The following GRIN2B variants were observed in gnomAD, a reference collection of about 807,000 sequenced individuals.
GRIN2B encodes the protein glutamate receptor ionotropic, NMDA 2B.
In GRIN2B, 5 loss-of-function variants were observed where a neutral mutation model predicts 114.5. That is an observed-to-expected ratio of 0.04 (90% CI 0.02 to 0.09). The LOEUF (loss-of-function observed/expected upper bound fraction) is 0.09. Among genes scored for constraint, GRIN2B ranks in the 10% least tolerant of loss-of-function variants. GRIN2B has a pLI of 1.00. For synonymous variants in GRIN2B, 787 were observed against 745.1 expected, an observed-to-expected ratio of 1.06 and a Z score of -0.92; for missense variants, 1,108 against 1,943.5, an observed-to-expected ratio of 0.57 and a Z score of 8.08.
At chr12:13,772,542 T>C (rs1430079535) in intron 3 of GRIN2B, among the ~76,000 whole-genome samples, 1 of 152,220 alleles carries the variant, frequency 6.6e-6, no homozygotes, top group Non-Finnish European at 1.5e-5. Flanking sequence ...GAAGTATCAA[T>C]TTAATATCAG....
In GRIN2B at chr12:13,556,476, A is replaced by G. The variant is rs943782129; in HGVS notation, c.*6307T>C. 3 of 152,312 alleles carry G rather than the reference A, an allele frequency of 2.0e-5. No individual in the cohort carries two copies. The highest frequency in any genetic ancestry group is 7.2e-5 in the African/African-American group (3 of 41,582). The allele number at this position is 152,312 out of a possible 1,614,324, so 9.4% of individuals were successfully genotyped here. ...TAGACGTTGGTTTAATTAAACTCAC[A>G]TATTTAACCAGAGAGCTTTTATTTT... On this transcript the variant is annotated 3_prime_UTR_variant, in exon 14 of 14. Transcript: ENST00000609686.
chr12:13,703,789 C>G (rs995782660), intron 4 of GRIN2B, among the ~76,000 whole-genome samples: 1 of 152,128 alleles, frequency 6.6e-6, no homozygotes, highest in African/African-American at 2.4e-5. Flanking sequence ...CCATGGGATC[C>G]TTTTAACTTC....
At chr12:13,842,620 A>T (rs1865397237) in intron 3 of GRIN2B, among the ~76,000 whole-genome samples, 1 of 152,224 alleles carries the variant, frequency 6.6e-6, no homozygotes, top group South Asian at 2.1e-4. Context: ...AATGAGTAAA[A>T]CTAATCCTAG....
chr12:13,883,738 G>A (rs1565574433), intron 2 of GRIN2B, among the ~76,000 whole-genome samples: 1 of 151,718 alleles, frequency 6.6e-6, no homozygotes, highest in Non-Finnish European at 1.5e-5. Flanking sequence ...CCATTTTGTG[G>A]CTGATCATTT....
At chr12:13,675,897 A>T (rs761827572) in intron 4 of GRIN2B, 38 bp from the exon 5 acceptor site, 6 of 1,173,752 alleles carry the variant, frequency 5.1e-6, no homozygotes, top group Non-Finnish European at 7.7e-6. Flanking sequence ...AAAAGTATGA[A>T]GAGGGTATAC....
rs78413986 is a variant in GRIN2B, at chr12:13,686,930, T to A, written c.1011-11071A>T. The stretch of plus-strand genomic sequence containing the variant: ...ATTAATGCCCTCCCTTGGGGATAAG[T>A]TCCTTCTTTATCAGGTCCCATGAGA... On this transcript the variant is annotated intron_variant, in intron 4 of 13. Coordinates refer to ENST00000609686, the MANE Select transcript of GRIN2B (RefSeq NM_000834.5). Among the ~76,000 whole-genome samples, 396 of 152,264 alleles carry A rather than the reference T, an allele frequency of 2.6e-3. 5 individuals carry two copies. Among genetic ancestry groups the A allele is most frequent in the African/African-American group, 9.2e-3 (382 of 41,560 alleles).
chr12:13,568,991 C>T (rs187714214), intron 12 of GRIN2B, among the ~76,000 whole-genome samples: 15 of 152,122 alleles, frequency 9.9e-5, no homozygotes, highest in Non-Finnish European at 2.1e-4. Context: ...AAGAGATGGC[C>T]GCAAGTTTAT....
chr12:13,782,812 CCAAAGGT>C (rs1565535368), intron 3 of GRIN2B, among the ~76,000 whole-genome samples: 1 of 152,142 alleles, frequency 6.6e-6, no homozygotes, highest in Non-Finnish European at 1.5e-5. Flanking sequence ...TACCTCTGCA[CCAAAGGT>C]CAAAGCTGCA....
chr12:13,744,751 C>T (rs1263351485), intron 4 of GRIN2B, among the ~76,000 whole-genome samples: 1 of 152,180 alleles, frequency 6.6e-6, no homozygotes, highest in Admixed American at 6.5e-5. Context: ...GCAGTTCCTT[C>T]ATGTGTGACC....
intron 3 of GRIN2B, among the ~76,000 whole-genome samples, chr12:13,777,562 G>A (rs1864027240): frequency 6.6e-6 from 1 of 152,194 alleles, no homozygotes; most frequent in Admixed American, 6.5e-5. Context: ...AGCTGTGGCT[G>A]CAAGATCCAC....
chr12:13,599,836 G>A (rs1949130678), intron 10 of GRIN2B, among the ~76,000 whole-genome samples: 1 of 152,330 alleles, frequency 6.6e-6, no homozygotes, highest in South Asian at 2.1e-4. Context: ...GTCTGACTGG[G>A]AGAGGCCACA....
intron 2 of GRIN2B, among the ~76,000 whole-genome samples, chr12:13,891,870 A>C (rs867776930): frequency 1.3e-5 from 2 of 152,246 alleles, no homozygotes; most frequent in African/African-American, 4.8e-5. Flanking sequence ...AAATTCAAAA[A>C]TTATTTACCT....
chr12:13,767,068 A>G (rs945045873), intron 3 of GRIN2B, among the ~76,000 whole-genome samples: 2 of 152,110 alleles, frequency 1.3e-5, no homozygotes, highest in African/African-American at 2.4e-5. Flanking sequence ...CATCGTGGCT[A>G]ACACCGTGAA....
chr12:13,833,576 G>A (rs757255321), intron 3 of GRIN2B, among the ~76,000 whole-genome samples: 5 of 152,128 alleles, frequency 3.3e-5, no homozygotes, highest in Non-Finnish European at 7.4e-5. Flanking sequence ...CCTACTATCT[G>A]GCTTATCTCC....
chr12:13,643,584 A>G (rs1949738929), intron 5 of GRIN2B, among the ~76,000 whole-genome samples: 2 of 152,234 alleles, frequency 1.3e-5, no homozygotes, highest in South Asian at 2.1e-4. Flanking sequence ...GAAGTTTGCC[A>G]CAACAATTGA....
intron 8 of GRIN2B, 150 bp downstream of exon 8, chr12:13,614,964 T>G (rs1351204705): frequency 2.7e-6 from 2 of 751,926 alleles, no homozygotes; most frequent in African/African-American, 1.7e-5. Context: ...GTAATTGATT[T>G]TGAAGTCCCC....
chr12:13,621,599 A>AG, intron 5 of GRIN2B, among the ~76,000 whole-genome samples: 1 of 134,482 alleles, frequency 7.4e-6, no homozygotes, highest in Non-Finnish European at 1.6e-5. Context: ...GAAAAAAAAA[A>AG]TTGCCTAGTT....
At chr12:13,852,808 C>T (rs73055695) in intron 3 of GRIN2B, among the ~76,000 whole-genome samples, 2,507 of 151,844 alleles carry the variant, frequency 0.017, 42 homozygotes, top group Non-Finnish European at 0.023. Context: ...ATCCACGATA[C>T]TATACTGCCG....
Position 13,980,340 on chromosome 12 carries a change from C to T in GRIN2B, c.-431G>A, listed in dbSNP as rs1021725516. 6.6e-6 allele frequency: 1 copy of T among 152,074 alleles called. No homozygotes were observed. The highest frequency in any genetic ancestry group is 1.9e-4 in the East Asian group (1 of 5,154). The allele number at this position is 152,074 out of a possible 1,614,324, so 9.4% of individuals were successfully genotyped here. A position where few individuals can be genotyped will look rare whatever the true frequency, so the allele number is the denominator to read the frequency against. The stretch of plus-strand genomic sequence containing the variant: ...CGTCCCTCGGTGGAGCATGGTCATT[C>T]CCAAAGCGTCCCCTTCCTAAGGGGG... On this transcript the variant is annotated 5_prime_UTR_variant, in exon 2 of 14. Transcript: ENST00000609686.
Sources: gnomAD v4.1 joint callset for allele counts (sites outside exome capture counted in the v4.1 genomes callset) on GRCh38, gnomAD v4.1.1 for gene constraint, MANE v1.5 for transcripts, NCBI Gene and HGNC (gene_info 2026-07-23, HGNC 2026-07-21) for gene names.